PTPN14: variants seen among roughly 807,000 people sequenced by gnomAD.
PTPN14 encodes protein tyrosine phosphatase non-receptor type 14, also known as tyrosine-protein phosphatase non-receptor type 14.
PTPN14 carries 53 observed loss-of-function variants against 126.8 expected under a neutral mutation model. The observed-to-expected ratio is 0.42, with a 90% CI of 0.34 to 0.53. The LOEUF is 0.53. Among genes scored for constraint, PTPN14 ranks in the 20% least tolerant of loss-of-function variants. The probability of loss-of-function intolerance (pLI) is 0.08; values close to 1 mark genes in which losing one functional copy is unlikely to be tolerated. For synonymous variants in PTPN14, 630 were observed against 599.3 expected (o/e 1.05, Z -0.75); for missense variants, 1,257 against 1,552.9 (o/e 0.81, Z 3.20).
intron 1 of PTPN14, among the ~76,000 whole-genome samples, chr1:214,465,951 C>CGTTTTTTTTT (rs1660624843): frequency 1.7e-5 from 1 of 59,024 alleles, no homozygotes; most frequent in Admixed American, 3.2e-4. Flanking sequence ...CAGTTACTTC[C>CGTTTTTTTTT]TTTTTTTTTT....
intron 3 of PTPN14, among the ~76,000 whole-genome samples, chr1:214,427,502 C>A (rs1659695709): frequency 6.6e-6 from 1 of 151,990 alleles, no homozygotes; most frequent in African/African-American, 2.4e-5. Flanking sequence ...TATATACATA[C>A]ATATATTCCA....
At chr1:214,514,329 GAC>G (rs1219823979) in intron 1 of PTPN14, among the ~76,000 whole-genome samples, 1 of 152,174 alleles carries the variant, frequency 6.6e-6, no homozygotes, top group Admixed American at 6.5e-5. Context: ...ATGATTTTAA[GAC>G]ATGCCGCATG....
At chr1:214,415,685 G>A (rs1011402524) in intron 3 of PTPN14, among the ~76,000 whole-genome samples, 4 of 152,176 alleles carry the variant, frequency 2.6e-5, no homozygotes, top group Non-Finnish European at 2.9e-5. Flanking sequence ...CTACCATGTT[G>A]ATGTCACAGG....
intron 1 of PTPN14, among the ~76,000 whole-genome samples, chr1:214,535,652 G>A (rs1655685743): frequency 6.6e-6 from 1 of 152,196 alleles, no homozygotes; most frequent in Middle Eastern, 3.4e-3. Context: ...GGTGGCGCAT[G>A]CCGGTAATCC....
intron 1 of PTPN14, chr1:214,532,862 C>A (rs528987957): frequency 1.9e-6 from 2 of 1,039,298 alleles, no homozygotes; most frequent in African/African-American, 1.6e-5. Context: ...GCCCAGATTG[C>A]CAGCTCTGGG....
At chr1:214,476,851 T>C (rs758977117) in intron 1 of PTPN14, among the ~76,000 whole-genome samples, 2 of 152,182 alleles carry the variant, frequency 1.3e-5, no homozygotes, top group Non-Finnish European at 2.9e-5. Context: ...TCCTGGCACA[T>C]GGTAAGCATT....
chr1:214,400,064 AT>A (rs1322170216), intron 7 of PTPN14, among the ~76,000 whole-genome samples: 1 of 152,146 alleles, frequency 6.6e-6, no homozygotes, highest in East Asian at 1.9e-4. Context: ...ACTCTTGAAA[AT>A]TTTTGAGGAA....
intron 1 of PTPN14, among the ~76,000 whole-genome samples, chr1:214,548,606 T>C (rs902351350): frequency 2.6e-5 from 4 of 152,098 alleles, no homozygotes; most frequent in African/African-American, 9.7e-5. Flanking sequence ...ATGCAAGAAT[T>C]TGATGAAATC....
intron 1 of PTPN14, among the ~76,000 whole-genome samples, chr1:214,524,113 G>C (rs1213712315): frequency 1.3e-5 from 2 of 151,942 alleles, no homozygotes; most frequent in Admixed American, 1.3e-4. Context: ...GCCTCCCAAA[G>C]TGCTGGGATT....
At chr1:214,499,359 T>A (rs1229616346) in intron 1 of PTPN14, among the ~76,000 whole-genome samples, 1 of 146,688 alleles carries the variant, frequency 6.8e-6, no homozygotes, top group Non-Finnish European at 1.5e-5. Context: ...GTAGAATGAG[T>A]GTGTGGAAAA....
In PTPN14 at chr1:214,433,878, G is replaced by A. The variant is rs530801195; in HGVS notation, c.344+17927C>T. Among the ~76,000 whole-genome samples, 4 of 149,750 alleles carry A rather than the reference G, an allele frequency of 2.7e-5. 1 individual carries two copies. The highest frequency in any genetic ancestry group is 7.4e-5 in the African/African-American group (3 of 40,382). On this transcript the variant is annotated intron_variant, in intron 3 of 18. Coordinates refer to ENST00000366956, the MANE Select transcript of PTPN14 (RefSeq NM_005401.5). Reference sequence around the variant, plus strand: ...CTGAGGCAGGACGACTGCTTGAGCCGAGGGGTTCTAGACCAGCCTGGGCAA... The same window carrying A: ...CTGAGGCAGGACGACTGCTTGAGCCAAGGGGTTCTAGACCAGCCTGGGCAA...
chr1:214,373,516 A>G (rs3013453), intron 15 of PTPN14, among the ~76,000 whole-genome samples: 122,059 of 151,040 alleles, frequency 0.81, 49,853 homozygotes, highest in African/African-American at 0.93. Flanking sequence ...AATGTACTCT[A>G]ACACTTTCCA....
At chr1:214,480,828 T>A (rs559914930) in intron 1 of PTPN14, among the ~76,000 whole-genome samples, 2 of 152,238 alleles carry the variant, frequency 1.3e-5, no homozygotes, top group South Asian at 4.1e-4. Context: ...AATATTGATC[T>A]CAATATTCCC....
In PTPN14 at chr1:214,364,806, T is replaced by TGTGTGTGTGTGTGTGTGTGTGTG. The variant is rs1553258555; in HGVS notation, c.3272-132_3272-131insCACACACACACACACACACACAC. 6 of 859,110 alleles carry TGTGTGTGTGTGTGTGTGTGTGTG rather than the reference T, an allele frequency of 7.0e-6. No individual in the cohort carries two copies. Among genetic ancestry groups the TGTGTGTGTGTGTGTGTGTGTGTG allele is most frequent in the African/African-American group, 7.0e-5 (4 of 57,296 alleles). The allele number at this position is 859,110 out of a possible 1,614,324, so 53.2% of individuals were successfully genotyped here. ...GTGTGTGTGTGTGTGTGTGTGTGTG[T>TGTGTGTGTGTGTGTGTGTGTGTG]TTTAAGTGACAATAATTTATAGTTC... On this transcript the variant is annotated intron_variant, in intron 17 of 18. Coordinates refer to ENST00000366956, the MANE Select transcript of PTPN14 (RefSeq NM_005401.5). This position sits in a 1 kb window ranked among gnomAD's most constrained non-coding sequence, Gnocchi z 4.1.
At position 214,467,900 on chromosome 1, in the gene PTPN14, G is replaced by A. The variant is rs557150554; in HGVS notation, c.-154-2943C>T. ...GTATCAACAAAATGTAAGAAAATTGGTCTGGTCCTTTTAAAAGTCAATGTC... is the reference window on the plus strand; with the variant it reads ...GTATCAACAAAATGTAAGAAAATTGATCTGGTCCTTTTAAAAGTCAATGTC... On this transcript the variant is annotated intron_variant, in intron 1 of 18. Transcript: ENST00000366956. Among the ~76,000 whole-genome samples the A allele has an allele frequency of 2.0e-5, 3 of 152,252 alleles. No individual in the cohort carries two copies. In the East Asian group the frequency reaches 5.8e-4, roughly 29 times the overall value.
chr1:214,530,842 T>G (rs1655527007), intron 1 of PTPN14: 1 of 152,156 alleles, frequency 6.6e-6, no homozygotes, highest in Non-Finnish European at 1.5e-5. Flanking sequence ...ATCTAACAAT[T>G]CAATATAAAC....
chr1:214,409,795 C>A (rs1312826551), intron 5 of PTPN14, among the ~76,000 whole-genome samples: 4 of 152,014 alleles, frequency 2.6e-5, no homozygotes, highest in Non-Finnish European at 5.9e-5. Flanking sequence ...AGACTTTACT[C>A]CTCATACTCA....
intron 1 of PTPN14, among the ~76,000 whole-genome samples, chr1:214,542,054 C>A (rs1412284282): frequency 6.6e-6 from 1 of 152,128 alleles, no homozygotes; most frequent in Admixed American, 6.5e-5. Flanking sequence ...GCTCACCATA[C>A]CCTGTCTTTT....
intron 3 of PTPN14, among the ~76,000 whole-genome samples, chr1:214,415,258 G>A (rs17022866): frequency 0.012 from 1,864 of 152,196 alleles, 47 homozygotes; most frequent in African/African-American, 0.042. Flanking sequence ...TGCAACTTTC[G>A]AAACTGAAGT....
Sources: gnomAD v4.1 joint callset for allele counts (sites outside exome capture counted in the v4.1 genomes callset) on GRCh38, gnomAD v4.1.1 for gene constraint, Gnocchi (gnomAD v3.1) non-coding constraint, MANE v1.5 for transcripts, NCBI Gene and HGNC (gene_info 2026-07-23, HGNC 2026-07-21) for gene names.